LAMC2: variants seen among roughly 807,000 people sequenced by gnomAD.
LAMC2 encodes laminin subunit gamma-2.
Under a neutral mutation model 140.2 loss-of-function variants are expected in LAMC2, and 97 were observed. That is an observed-to-expected ratio of 0.69 (90% CI 0.59 to 0.82). The LOEUF (loss-of-function observed/expected upper bound fraction) is 0.82. Among genes scored for constraint, LAMC2 ranks in the 40% least tolerant of loss-of-function variants. The probability of loss-of-function intolerance (pLI) is 0.00; values close to 1 mark genes in which losing one functional copy is unlikely to be tolerated. For missense variants in LAMC2, 1,402 were observed against 1,476.1 expected, an observed-to-expected ratio of 0.95 and a Z score of 0.82; for synonymous variants, 513 against 540.2, an observed-to-expected ratio of 0.95 and a Z score of 0.70.
intron 1 of LAMC2, among the ~76,000 whole-genome samples, chr1:183,206,834 T>G (rs1271660771): frequency 6.6e-6 from 1 of 152,056 alleles, no homozygotes; most frequent in Non-Finnish European, 1.5e-5. Context: ...AGACAGCCTG[T>G]GTAGGGAAGG....
Position 183,226,936 on chromosome 1 carries a change from G to C in LAMC2, c.1285+20G>C. On this transcript the variant is annotated intron_variant, in intron 9 of 22. Coordinates refer to ENST00000264144, the MANE Select transcript of LAMC2 (RefSeq NM_005562.3). ...ACACAGGTGAGTGAAATGACACCTG[G>C]ACCAGGTGGCTGGGGTGTCATGTGG... is the stretch of plus-strand genomic sequence containing the variant. The C allele has an allele frequency of 6.3e-7, 1 of 1,587,226 alleles. No individual in the cohort carries two copies. The highest frequency in any genetic ancestry group is 1.3e-5 in the African/African-American group (1 of 74,522).
chr1:183,246,631 T>A (rs1160284858), downstream of LAMC2, among the ~76,000 whole-genome samples: 2 of 152,256 alleles, frequency 1.3e-5, no homozygotes, highest in Non-Finnish European at 2.9e-5. Context: ...GGATGTGGTT[T>A]CTTTTCAGTA....
intron 15 of LAMC2, 53 bp downstream of exon 15, chr1:183,234,499 C>A: frequency 7.2e-7 from 1 of 1,387,018 alleles, no homozygotes; most frequent in Non-Finnish European, 1.0e-6. Context: ...CAAGGCCAGA[C>A]TTGAATAAGA....
the LAMC2 span, among the ~76,000 whole-genome samples, chr1:183,257,274 C>G: frequency 6.6e-6 from 1 of 151,938 alleles, no homozygotes; most frequent in African/African-American, 2.4e-5. Context: ...AACCCTGTCT[C>G]TACCAAAAAT....
intron 1 of LAMC2, among the ~76,000 whole-genome samples, chr1:183,201,904 C>A (rs1280735058): frequency 6.6e-6 from 1 of 152,144 alleles, no homozygotes; most frequent in Non-Finnish European, 1.5e-5. Flanking sequence ...GCATCAGTTT[C>A]ATTAAAAATG....
chr1:183,239,915 T>G, intron 20 of LAMC2, 125 bp from the exon 21 acceptor site: 9 of 1,035,322 alleles, frequency 8.7e-6, no homozygotes, highest in Non-Finnish European at 1.4e-5. Context: ...GATTCTCTCA[T>G]TATTCATCTA....
At chr1:183,207,034 C>G (rs758343682) in intron 1 of LAMC2, among the ~76,000 whole-genome samples, 8 of 152,190 alleles carry the variant, frequency 5.3e-5, no homozygotes, top group Non-Finnish European at 8.8e-5. Context: ...TCCAGGGAGG[C>G]AGATAATGCA....
At chr1:183,197,247 A>G (rs1050400060) in intron 1 of LAMC2, among the ~76,000 whole-genome samples, 1 of 152,234 alleles carries the variant, frequency 6.6e-6, no homozygotes, top group Non-Finnish European at 1.5e-5. Context: ...AACAAAATTC[A>G]GTGTTAAATA....
downstream of LAMC2, among the ~76,000 whole-genome samples, chr1:183,246,316 A>G (rs1299030880): frequency 1.3e-5 from 2 of 152,192 alleles, no homozygotes; most frequent in African/African-American, 4.8e-5. Flanking sequence ...CTGAAAAGTT[A>G]TCCCTTAGAA....
intron 1 of LAMC2, among the ~76,000 whole-genome samples, chr1:183,200,100 TAGAA>T (rs1295031389): frequency 3.3e-5 from 5 of 152,238 alleles, no homozygotes; most frequent in Admixed American, 1.3e-4. Flanking sequence ...TTTAGAACAA[TAGAA>T]AGAGGGCCGG....
chr1:183,208,077 A>C lies in LAMC2; in HGVS notation c.268+8A>C. The C allele has an allele frequency of 6.2e-7, 1 of 1,612,198 alleles. No individual in the cohort carries two copies. Among genetic ancestry groups the C allele is most frequent in the Middle Eastern group, 1.7e-4 (1 of 6,036 alleles). Reference sequence around the variant, plus strand: ...GCAATTGTAACTCCAAAGGTAGCTGAAAAGGACGGAAAGAGGGAGAGGGAG... The same window carrying C: ...GCAATTGTAACTCCAAAGGTAGCTGCAAAGGACGGAAAGAGGGAGAGGGAG... On this transcript the variant is annotated splice_region_variant and intron_variant, in intron 2 of 22. Coordinates refer to ENST00000264144, the MANE Select transcript of LAMC2 (RefSeq NM_005562.3).
chr1:183,197,144 T>C (rs1398118997), intron 1 of LAMC2, among the ~76,000 whole-genome samples: 1 of 152,072 alleles, frequency 6.6e-6, no homozygotes, highest in Admixed American at 6.5e-5. Flanking sequence ...AGCTAAGAAG[T>C]GATGGCAGGC....
chr1:183,232,629 T>A (rs773333107), intron 13 of LAMC2, 23 bp from the exon 14 acceptor site: 1 of 1,599,258 alleles, frequency 6.3e-7, no homozygotes, highest in East Asian at 2.2e-5. Context: ...GTGCTCATGC[T>A]CCCTTTCCTT....
At chr1:183,257,553 C>T in the LAMC2 span, among the ~76,000 whole-genome samples, 1 of 152,214 alleles carries the variant, frequency 6.6e-6, no homozygotes, top group Non-Finnish European at 1.5e-5. Flanking sequence ...CTACTTCAAT[C>T]TATTTGTTAT....
chr1:183,237,728 A>C (rs1351815923), intron 18 of LAMC2, among the ~76,000 whole-genome samples: 1 of 152,278 alleles, frequency 6.6e-6, no homozygotes, highest in East Asian at 1.9e-4. Flanking sequence ...AAAAATAAAA[A>C]ATAAAAAAAT....
In LAMC2 at chr1:183,222,359, G is replaced by A. The variant is rs190465667; in HGVS notation, c.763+148G>A. The A allele has an allele frequency of 2.7e-3, 2,224 of 828,676 alleles. 6 individuals carry two copies. Among genetic ancestry groups the A allele is most frequent in the Middle Eastern group, 7.3e-3 (23 of 3,166 alleles). The allele number at this position is 828,676 out of a possible 1,614,324, so 51.3% of individuals were successfully genotyped here. A position where few individuals can be genotyped will look rare whatever the true frequency, so the allele number is the denominator to read the frequency against. On this transcript the variant is annotated intron_variant, in intron 6 of 22. Coordinates refer to ENST00000264144, the MANE Select transcript of LAMC2 (RefSeq NM_005562.3). Reference sequence around the variant, plus strand: ...GGTAGTGCAACCCCAGAAGAGAGATGGGGGCTAAGCCTGATTTGAGAGTCA... The same window carrying A: ...GGTAGTGCAACCCCAGAAGAGAGATAGGGGCTAAGCCTGATTTGAGAGTCA...
chr1:183,216,111 G>A (rs1476267038), intron 3 of LAMC2, among the ~76,000 whole-genome samples: 2 of 152,174 alleles, frequency 1.3e-5, no homozygotes, highest in Non-Finnish European at 2.9e-5. Context: ...GGCAAGTGTT[G>A]GGATGGCTTG....
chr1:183,209,373 G>A (rs1173032954), intron 2 of LAMC2, among the ~76,000 whole-genome samples: 6 of 152,170 alleles, frequency 3.9e-5, no homozygotes, highest in Non-Finnish European at 8.8e-5. Context: ...ATGAGTTGCT[G>A]GTAGAGTGGT....
At chr1:183,187,251 A>G (rs1210948910) in intron 1 of LAMC2, among the ~76,000 whole-genome samples, 1 of 152,228 alleles carries the variant, frequency 6.6e-6, no homozygotes, top group Non-Finnish European at 1.5e-5. Flanking sequence ...CAAGACCAAG[A>G]GCCATTTCCA....
Sources: allele counts gnomAD v4.1 joint callset (sites outside exome capture counted in the v4.1 genomes callset), GRCh38; gene constraint gnomAD v4.1.1; transcripts MANE v1.5; gene names NCBI Gene and HGNC (gene_info 2026-07-23, HGNC 2026-07-21).